SPO11: variants seen among roughly 807,000 people sequenced by gnomAD.
The protein encoded by SPO11 is SPO11 initiator of meiotic double strand breaks, also known as meiotic recombination protein SPO11.
In SPO11, 49 loss-of-function variants were observed where a neutral mutation model predicts 51.6. The observed-to-expected ratio is 0.95, with a 90% confidence interval of 0.75 to 1.20. The LOEUF (loss-of-function observed/expected upper bound fraction) is 1.20, where lower values mean the gene tolerates loss of function less well. SPO11 is among the 50% of genes most tolerant of loss of function. The probability of loss-of-function intolerance (pLI) is 0.00; values close to 1 mark genes in which losing one functional copy is unlikely to be tolerated. For synonymous variants in SPO11, 176 were observed against 158.2 expected, an observed-to-expected ratio of 1.11 and a Z score of -0.84; for missense variants, 431 against 473.4, an observed-to-expected ratio of 0.91 and a Z score of 0.83.
intron 2 of SPO11, among the ~76,000 whole-genome samples, chr20:57,332,948 G>C (rs2066466714): frequency 6.6e-6 from 1 of 151,992 alleles, no homozygotes; most frequent in African/African-American, 2.4e-5. Context: ...CCTAATCAAA[G>C]GTGTTAGCTC....
intron 8 of SPO11, 103 bp downstream of exon 8, chr20:57,336,010 A>G (rs2066508219): frequency 3.1e-6 from 2 of 642,982 alleles, no homozygotes. Flanking sequence ...TGTTTTCAAT[A>G]TAATGCATCC....
At chr20:57,330,513 TTTAA>T (rs1441400128) in intron 1 of SPO11, among the ~76,000 whole-genome samples, 1 of 152,216 alleles carries the variant, frequency 6.6e-6, no homozygotes, top group Non-Finnish European at 1.5e-5. Flanking sequence ...AGACAACATG[TTTAA>T]TTGTTTTGCA....
chr20:57,332,531 C>T (rs531328707), intron 2 of SPO11, among the ~76,000 whole-genome samples: 2 of 152,226 alleles, frequency 1.3e-5, no homozygotes, highest in African/African-American at 4.8e-5. Context: ...TTAAGAGATA[C>T]AGAAACAAAA....
intron 10 of SPO11, 73 bp from the exon 11 acceptor site, chr20:57,340,029 T>C (rs1486725716): frequency 3.1e-5 from 32 of 1,036,662 alleles, no homozygotes; most frequent in Non-Finnish European, 4.6e-5. Flanking sequence ...AAGTGAAAAA[T>C]TTGACTGAAA....
chr20:57,335,567 C>A, intron 7 of SPO11, 112 bp downstream of exon 7: 2 of 1,060,036 alleles, frequency 1.9e-6, no homozygotes, highest in South Asian at 1.5e-5. Context: ...GGCCCTGTAG[C>A]AGTCAAGATG....
At chr20:57,330,117 C>G in intron 1 of SPO11, 119 bp downstream of exon 1, 1 of 1,356,042 alleles carries the variant, frequency 7.4e-7, no homozygotes, top group Non-Finnish European at 9.7e-7. Context: ...GCGGGCCAGC[C>G]AGGAACCCCC....
chr20:57,340,758 C>T (rs2066571993), intron 11 of SPO11, among the ~76,000 whole-genome samples: 1 of 151,550 alleles, frequency 6.6e-6, no homozygotes, highest in African/African-American at 2.4e-5. Flanking sequence ...CAGAGCTTGA[C>T]TCTGTCTCCA....
At chr20:57,331,672 T>C (rs1437673488) in intron 1 of SPO11, among the ~76,000 whole-genome samples, 161 bp from the exon 2 acceptor site, 2 of 152,180 alleles carry the variant, frequency 1.3e-5, no homozygotes, top group Admixed American at 6.6e-5. Context: ...ATGGATTACC[T>C]AGTCTTTTTT....
Position 57,333,173 on chromosome 20 carries a change from T to A in SPO11, c.246-15T>A. On this transcript the variant is annotated splice_polypyrimidine_tract_variant and intron_variant, in intron 2 of 12. Transcript: ENST00000371263. ...TCTTTTTCACTTTTTTCCTTTGCTTTAAACAAAATGACAGGTTTGAAGATT... is the reference window on the plus strand; with the variant it reads ...TCTTTTTCACTTTTTTCCTTTGCTTAAAACAAAATGACAGGTTTGAAGATT... 1 of 1,589,272 alleles carries A rather than the reference T, an allele frequency of 6.3e-7. No homozygotes were observed. Among genetic ancestry groups the A allele is most frequent in the Non-Finnish European group, 8.5e-7 (1 of 1,171,320 alleles).
At chr20:57,343,007 G>A (rs549679904) in intron 12 of SPO11, among the ~76,000 whole-genome samples, 167 bp downstream of exon 12, 1 of 152,262 alleles carries the variant, frequency 6.6e-6, no homozygotes, top group Non-Finnish European at 1.5e-5. Context: ...TCATATGAAT[G>A]CTAATAGATG....
intron 10 of SPO11, 111 bp downstream of exon 10, chr20:57,339,137 G>A (rs550732985): frequency 5.7e-5 from 34 of 600,154 alleles, no homozygotes; most frequent in African/African-American, 5.6e-4. Context: ...TGCCCAAAGT[G>A]TACCTGAGGG....
At position 57,340,174 on chromosome 20, in the gene SPO11, A is replaced by C; in HGVS notation, c.955A>C (p.Lys319Gln). 6.3e-7 allele frequency: 1 copy of C among 1,593,042 alleles called. No individual in the cohort carries two copies. The highest frequency in any genetic ancestry group is 1.3e-5 in the African/African-American group (1 of 74,642). Residue 319 changes from lysine to glutamine, a missense_variant, in exon 11 of 13, where the codon AAA becomes CAA. Coordinates refer to ENST00000371263, the MANE Select transcript of SPO11 (RefSeq NM_012444.3). ...GCTTGGTCTTCTCCCTTCTGATCTT[A>C]AAAGGTTAGATAGTATAGCAGAACT... ...RWLGLLPSDL[K>Q]RLNVPKDSLI...
chr20:57,332,980 T>A (rs949172924), intron 2 of SPO11, among the ~76,000 whole-genome samples: 1 of 152,222 alleles, frequency 6.6e-6, no homozygotes, highest in African/African-American at 2.4e-5. Flanking sequence ...ATGGTTTATC[T>A]TAGTGCCTCT....
intron 1 of SPO11, 80 bp downstream of exon 1, chr20:57,330,078 T>C: frequency 4.1e-6 from 6 of 1,471,214 alleles, no homozygotes; most frequent in East Asian, 2.5e-5. Flanking sequence ...GGCTGCCTCC[T>C]AGTGTTGAGG....
At chr20:57,333,865 A>G in intron 4 of SPO11, 112 bp downstream of exon 4, 5 of 909,542 alleles carry the variant, frequency 5.5e-6, no homozygotes, top group Non-Finnish European at 8.3e-6. Flanking sequence ...ATAGCTCATA[A>G]TTTACTTTCT....
intron 2 of SPO11, among the ~76,000 whole-genome samples, chr20:57,332,643 C>G (rs2066464004): frequency 6.6e-6 from 1 of 152,134 alleles, no homozygotes; most frequent in South Asian, 2.1e-4. Context: ...TGGATTTTAT[C>G]TAGCTTTGAA....
At chr20:57,342,317 G>A (rs1267891881) in intron 11 of SPO11, among the ~76,000 whole-genome samples, 3 of 152,196 alleles carry the variant, frequency 2.0e-5, no homozygotes, top group African/African-American at 7.2e-5. Context: ...AATCTCAGCC[G>A]TTGGCCATGC....
rs1197557203 is a variant in SPO11, at chr20:57,329,980, G to A, written c.113G>A (p.Gly38Glu). Residue 38 changes from glycine to glutamate, a missense_variant, in exon 1 of 13, where the codon GGA becomes GAA. Coordinates refer to ENST00000371263, the MANE Select transcript of SPO11 (RefSeq NM_012444.3). Reference protein sequence around the residue: ...RRGGREPPTGGSRLASSSEVL... With the variant: ...RRGGREPPTGESRLASSSEVL... The stretch of plus-strand genomic sequence containing the variant: ...GGTGGCAGGGAGCCCCCAACTGGGG[G>A]AAGCCGCCTGGCCTCCAGGTACAGG... The A allele has an allele frequency of 3.7e-6, 6 of 1,604,238 alleles. No individual in the cohort carries two copies. The African/African-American group carries it at 4.0e-5, about 11-fold the overall frequency.
chr20:57,341,844 A>G (rs1471271294), intron 11 of SPO11, among the ~76,000 whole-genome samples: 1 of 152,200 alleles, frequency 6.6e-6, no homozygotes, highest in Non-Finnish European at 1.5e-5. Context: ...CATAAATTCT[A>G]TCAGTGCACT....
Sources: allele counts gnomAD v4.1 joint callset (sites outside exome capture counted in the v4.1 genomes callset), GRCh38; gene constraint gnomAD v4.1.1; transcripts MANE v1.5; gene names NCBI Gene and HGNC (gene_info 2026-07-23, HGNC 2026-07-21).